Variants in MED13 observed in about 807,000 individuals in gnomAD.
The protein encoded by MED13 is mediator complex subunit 13.
MED13 carries 23 observed loss-of-function variants against 225.2 expected under a neutral mutation model. That is an observed-to-expected ratio of 0.10 (90% CI 0.07 to 0.14). The LOEUF (loss-of-function observed/expected upper bound fraction) is 0.14. MED13 is among the 10% of genes least tolerant of loss of function. MED13 has a pLI of 1.00. For missense variants in MED13, 2,197 were observed against 2,594.5 expected (o/e 0.85, Z 3.33); for synonymous variants, 942 against 889.2 (o/e 1.06, Z -1.06).
At chr17:62,016,803 G>T (rs1346932335) in intron 8 of MED13, among the ~76,000 whole-genome samples, 1 of 152,148 alleles carries the variant, frequency 6.6e-6, no homozygotes, top group African/African-American at 2.4e-5. Flanking sequence ...GAGGTCGGGG[G>T]TTCTAGACCA....
chr17:61,946,879 G>C, intron 29 of MED13, 38 bp downstream of exon 29: 1 of 1,504,930 alleles, frequency 6.6e-7, no homozygotes, highest in Middle Eastern at 1.7e-4. Flanking sequence ...TTCTTTTAAA[G>C]TTGCAGTGAC....
At chr17:62,042,580 A>AAC (rs2080862808) in intron 3 of MED13, among the ~76,000 whole-genome samples, 3 of 149,858 alleles carry the variant, frequency 2.0e-5, no homozygotes, top group African/African-American at 7.4e-5. Context: ...AAAAAAAAAA[A>AAC]CCAAAAAAAC....
Position 61,962,268 on chromosome 17 carries a change from G to A in MED13, c.5064+484C>T, listed in dbSNP as rs185071666. On this transcript the variant is annotated intron_variant, in intron 21 of 29. Transcript: ENST00000397786. ...GCCACTGCACTCCAGTCTGGCGACA[G>A]AGCGAGACTCTGTCTCAGAAAAAAA... Among the ~76,000 whole-genome samples the A allele has an allele frequency of 7.8e-4, 119 of 152,284 alleles. 1 individual carries two copies. The highest frequency in any genetic ancestry group is 5.1e-3 in the Admixed American group (78 of 15,290).
intron 23 of MED13, among the ~76,000 whole-genome samples, chr17:61,960,628 A>G (rs2079990378): frequency 6.6e-6 from 1 of 152,166 alleles, no homozygotes; most frequent in East Asian, 1.9e-4. Context: ...AAGCTTTATG[A>G]CACAGAAGTT....
At chr17:61,957,577 T>TGAC (rs1438658661) in intron 23 of MED13, among the ~76,000 whole-genome samples, 3 of 152,106 alleles carry the variant, frequency 2.0e-5, no homozygotes, top group African/African-American at 7.2e-5. Context: ...CTAGAACTCC[T>TGAC]GACCTCGTGA....
intron 3 of MED13, among the ~76,000 whole-genome samples, chr17:62,039,868 G>A (rs1227646533): frequency 6.6e-6 from 1 of 152,028 alleles, no homozygotes; most frequent in African/African-American, 2.4e-5. Flanking sequence ...CAAAGTGCTG[G>A]AATTACAGGC....
chr17:62,028,352 T>G (rs1167027757), intron 8 of MED13, among the ~76,000 whole-genome samples: 1 of 152,104 alleles, frequency 6.6e-6, no homozygotes, highest in East Asian at 1.9e-4. Context: ...TGAGAACTCA[T>G]GGACACAAAG....
chr17:61,961,095 A>G lies in MED13; in HGVS notation c.5257-5T>C, dbSNP rs2079994733. The G allele has an allele frequency of 6.3e-7, 1 of 1,595,878 alleles. No homozygotes were observed. Among genetic ancestry groups the G allele is most frequent in the African/African-American group, 1.3e-5 (1 of 74,326 alleles). ...AAGTCGAATACACTCTGGTCTCTAT[A>G]AAATAAAAAATTAAGGTATTATCAT... On this transcript the variant is annotated splice_region_variant and splice_polypyrimidine_tract_variant and intron_variant, in intron 22 of 29. Coordinates refer to ENST00000397786, the MANE Select transcript of MED13 (RefSeq NM_005121.3).
At chr17:61,990,576 G>A (rs2080287428) in intron 11 of MED13, among the ~76,000 whole-genome samples, 3 of 146,938 alleles carry the variant, frequency 2.0e-5, no homozygotes, top group African/African-American at 2.6e-5. Context: ...GTGTATATAT[G>A]TATAGGGTCT....
chr17:61,973,186 T>C (rs2080124612), intron 16 of MED13, among the ~76,000 whole-genome samples: 2 of 152,240 alleles, frequency 1.3e-5, no homozygotes, highest in Admixed American at 1.3e-4. Flanking sequence ...TTCTTTCTTT[T>C]TGCATTTATG....
At chr17:62,032,135 G>A (rs541390440) in intron 5 of MED13, among the ~76,000 whole-genome samples, 1 of 151,464 alleles carries the variant, frequency 6.6e-6, no homozygotes, top group Non-Finnish European at 1.5e-5. Flanking sequence ...TATTTAAAGT[G>A]AGCACTGGTA....
chr17:61,976,700 C>T lies in MED13; in HGVS notation c.3806-3812G>A, dbSNP rs535309151. On this transcript the variant is annotated intron_variant, in intron 16 of 29. Coordinates refer to ENST00000397786, the MANE Select transcript of MED13 (RefSeq NM_005121.3). ...TTGTAATCCCAGCACTTTGGGAGGC[C>T]GAGGCAGGTGGATCACGAGGTCAGG... Among the ~76,000 whole-genome samples the T allele has an allele frequency of 3.9e-5, 6 of 152,110 alleles. No individual in the cohort carries two copies. In the South Asian group the frequency reaches 6.2e-4, roughly 16 times the overall value.
At chr17:62,004,448 T>A (rs1487885224) in intron 9 of MED13, 6 of 152,242 alleles carry the variant, frequency 3.9e-5, no homozygotes, top group Non-Finnish European at 2.9e-5. Flanking sequence ...AGAAGATAAC[T>A]TTTGAGCAGC....
intron 1 of MED13, among the ~76,000 whole-genome samples, chr17:62,064,166 T>C (rs752978892): frequency 1.3e-4 from 20 of 152,252 alleles, no homozygotes. Flanking sequence ...ACCTATCATA[T>C]ACTCTTAATA....
intron 2 of MED13, among the ~76,000 whole-genome samples, chr17:62,054,349 G>A (rs895481747): frequency 1.3e-5 from 2 of 152,000 alleles, no homozygotes; most frequent in Admixed American, 1.3e-4. Flanking sequence ...AAAAAAAGTA[G>A]AATAAGCTTG....
intron 16 of MED13, among the ~76,000 whole-genome samples, chr17:61,973,524 TA>T (rs773054122): frequency 1.3e-5 from 2 of 152,210 alleles, no homozygotes; most frequent in African/African-American, 2.4e-5. Context: ...GTCAAATGGC[TA>T]AAGGAAAAAT....
At chr17:62,050,719 C>A (rs1349172843) in intron 3 of MED13, among the ~76,000 whole-genome samples, 1 of 152,034 alleles carries the variant, frequency 6.6e-6, no homozygotes, top group East Asian at 1.9e-4. Flanking sequence ...AATCTATATG[C>A]CTGGCTGGGA....
chr17:62,002,751 G>A (rs2080407519), intron 9 of MED13, among the ~76,000 whole-genome samples: 1 of 152,200 alleles, frequency 6.6e-6, no homozygotes, highest in Admixed American at 6.5e-5. Context: ...ACCATGTCAA[G>A]TATCTCACTC....
At chr17:62,059,963 TTTA>T (rs2081025326) in intron 2 of MED13, among the ~76,000 whole-genome samples, 1 of 152,136 alleles carries the variant, frequency 6.6e-6, no homozygotes, top group Non-Finnish European at 1.5e-5. Context: ...TGTATTTCAG[TTTA>T]TTATTTCAAT....
Sources: gnomAD v4.1 joint callset for allele counts (sites outside exome capture counted in the v4.1 genomes callset) on GRCh38, gnomAD v4.1.1 for gene constraint, MANE v1.5 for transcripts, NCBI Gene and HGNC (gene_info 2026-07-23, HGNC 2026-07-21) for gene names.